HMGCLL1: variants seen among roughly 807,000 people sequenced by gnomAD.
The protein encoded by HMGCLL1 is 3-hydroxymethyl-3-methylglutaryl-CoA lyase, cytoplasmic.
A neutral mutation model predicts 39.1 loss-of-function variants in HMGCLL1; 36 were observed. The observed-to-expected ratio is 0.92, with a 90% CI of 0.71 to 1.22. HMGCLL1 has a LOEUF of 1.22. HMGCLL1 is among the 50% of genes most tolerant of loss of function. HMGCLL1 has a pLI of 0.00. For missense variants in HMGCLL1, 451 were observed against 416.5 expected, an observed-to-expected ratio of 1.08 and a Z score of -0.72; for synonymous variants, 149 against 144.0, an observed-to-expected ratio of 1.03 and a Z score of -0.25.
chr6:55,587,930 C>T, the HMGCLL1 span, among the ~76,000 whole-genome samples: 20 of 152,236 alleles, frequency 1.3e-4, no homozygotes, highest in South Asian at 1.7e-3. Context: ...TACAAAGAGA[C>T]GTAGACTCCC....
At chr6:55,650,645 C>T in the HMGCLL1 span, among the ~76,000 whole-genome samples, 19 of 152,084 alleles carry the variant, frequency 1.2e-4, no homozygotes, top group Non-Finnish European at 2.1e-4. Flanking sequence ...CCCTATCCCC[C>T]GGGTATGTCC....
the HMGCLL1 span, among the ~76,000 whole-genome samples, chr6:55,623,727 G>A: frequency 4.7e-5 from 7 of 149,516 alleles, no homozygotes; most frequent in East Asian, 3.9e-4. Flanking sequence ...ACATATATAT[G>A]CATATGATAT....
chr6:55,463,029 CTTTT>C (rs34168815), intron 7 of HMGCLL1, among the ~76,000 whole-genome samples: 18 of 136,322 alleles, frequency 1.3e-4, no homozygotes, highest in East Asian at 4.3e-4. Context: ...TTTTTTCTTT[CTTTT>C]TTTTTTTTTT....
Position 55,542,081 on chromosome 6 carries a change from C to G in HMGCLL1, c.168G>C (p.Arg56Ser), listed in dbSNP as rs769056962. Residue 56 changes from arginine to serine, a missense_variant, in exon 2 of 9, where the codon AGG (arginine) becomes AGC (serine). Transcript: ENST00000274901. Reference protein sequence around the residue: ...EFVKIVEVGPRDGLQNEKVIV... With the variant: ...EFVKIVEVGPSDGLQNEKVIV... Reference sequence around the variant, plus strand: ...CTACCTTTTCATTCTGCAATCCATCCCTAGGCCCAACTTCTACTATTTTAA... The same window carrying G: ...CTACCTTTTCATTCTGCAATCCATCGCTAGGCCCAACTTCTACTATTTTAA... 68 of 1,608,104 alleles carry G rather than the reference C, an allele frequency of 4.2e-5. No individual in the cohort carries two copies. Among genetic ancestry groups the G allele is most frequent in the Non-Finnish European group, 5.6e-5 (66 of 1,175,828 alleles).
intron 3 of HMGCLL1, among the ~76,000 whole-genome samples, chr6:55,518,469 A>T (rs1767864778): frequency 1.3e-5 from 2 of 152,154 alleles, no homozygotes; most frequent in African/African-American, 2.4e-5. Flanking sequence ...ACAAAGAGGT[A>T]AACTTTATTT....
At chr6:55,462,052 T>C (rs1220036049) in intron 7 of HMGCLL1, among the ~76,000 whole-genome samples, 1 of 152,106 alleles carries the variant, frequency 6.6e-6, no homozygotes, top group Non-Finnish European at 1.5e-5. Context: ...TTCCAGACCA[T>C]CAGATATGCC....
rs140226445 is a variant in HMGCLL1, at chr6:55,494,486, T to G, written c.795+933A>C. On this transcript the variant is annotated intron_variant, in intron 7 of 8. Transcript: ENST00000274901. ...CCATGGAATAACATTTTCTTTTTTC[T>G]GTGATTCAATAGAACGTTCTTTTCT... is the stretch of plus-strand genomic sequence containing the variant. 9.1e-3 allele frequency among the ~76,000 whole-genome samples: 1,382 copies of G among 152,292 alleles called. 17 individuals carry two copies. The highest frequency in any genetic ancestry group is 0.01 in the Non-Finnish European group (696 of 68,014).
chr6:55,499,626 T>C (rs1766771047), intron 5 of HMGCLL1, among the ~76,000 whole-genome samples: 1 of 152,056 alleles, frequency 6.6e-6, no homozygotes, highest in Non-Finnish European at 1.5e-5. Flanking sequence ...TATGGTTTTA[T>C]TAAAATAATT....
intron 5 of HMGCLL1, among the ~76,000 whole-genome samples, chr6:55,506,843 A>G (rs201005042): frequency 1.9e-4 from 3 of 15,552 alleles, no homozygotes; most frequent in African/African-American, 2.2e-4. Context: ...CTTAAAAAGA[A>G]AAAAAAAATA....
At chr6:55,623,544 A>G in the HMGCLL1 span, among the ~76,000 whole-genome samples, 2 of 151,712 alleles carry the variant, frequency 1.3e-5, no homozygotes, top group East Asian at 1.9e-4. Flanking sequence ...TCATGTGTTT[A>G]TATACATACA....
chr6:55,559,999 T>C (rs1009976970), intron 1 of HMGCLL1, among the ~76,000 whole-genome samples: 2 of 152,212 alleles, frequency 1.3e-5, no homozygotes, highest in Non-Finnish European at 2.9e-5. Flanking sequence ...TTTGTTAATA[T>C]ATACATTCAT....
At chr6:55,643,410 T>C in the HMGCLL1 span, among the ~76,000 whole-genome samples, 4 of 152,072 alleles carry the variant, frequency 2.6e-5, no homozygotes, top group African/African-American at 4.8e-5. Flanking sequence ...GTGAGTAATG[T>C]CATTGGTATT....
the HMGCLL1 span, among the ~76,000 whole-genome samples, chr6:55,644,172 T>C: frequency 6.6e-6 from 1 of 152,140 alleles, no homozygotes; most frequent in African/African-American, 2.4e-5. Flanking sequence ...TTGAGCACTT[T>C]TTCATATGTC....
chr6:55,513,811 G>T, intron 5 of HMGCLL1: 1 of 501,172 alleles, frequency 2.0e-6, no homozygotes. Flanking sequence ...TGCCAGATTT[G>T]CATGCTAGTT....
At chr6:55,567,984 T>G (rs895473850) in intron 1 of HMGCLL1, among the ~76,000 whole-genome samples, 4 of 152,172 alleles carry the variant, frequency 2.6e-5, no homozygotes, top group Non-Finnish European at 5.9e-5. Context: ...TCCTTGTTAT[T>G]ACTTGGCAGT....
At chr6:55,579,249 G>A (rs931430377), upstream of HMGCLL1, 10 of 594,272 alleles carry the variant, frequency 1.7e-5, no homozygotes, top group African/African-American at 1.9e-4. Context: ...GCCGCGCCTG[G>A]GGCAGCGGGT....
chr6:55,563,559 A>G (rs556380956), intron 1 of HMGCLL1, among the ~76,000 whole-genome samples: 1 of 152,236 alleles, frequency 6.6e-6, no homozygotes, highest in East Asian at 1.9e-4. Context: ...AATATTTTAA[A>G]CTTTGTGAAA....
the HMGCLL1 span, among the ~76,000 whole-genome samples, chr6:55,664,030 A>G: frequency 6.6e-6 from 1 of 151,556 alleles, no homozygotes. Context: ...TTGGTAGATT[A>G]TTCTTTATTT....
At chr6:55,468,696 C>T (rs1764897268) in intron 7 of HMGCLL1, among the ~76,000 whole-genome samples, 2 of 151,952 alleles carry the variant, frequency 1.3e-5, no homozygotes, top group South Asian at 4.2e-4. Context: ...AACAATGGAG[C>T]ATAGAAAAAT....
Sources: gnomAD v4.1 joint callset for allele counts (sites outside exome capture counted in the v4.1 genomes callset) on GRCh38, gnomAD v4.1.1 for gene constraint, MANE v1.5 for transcripts, NCBI Gene and HGNC (gene_info 2026-07-23, HGNC 2026-07-21) for gene names.